ANKRD55: variants seen among roughly 807,000 people sequenced by gnomAD.
The protein encoded by ANKRD55 is ankyrin repeat domain-containing protein 55.
A neutral mutation model predicts 60.6 loss-of-function variants in ANKRD55; 41 were observed. The observed-to-expected ratio is 0.68, with a 90% confidence interval of 0.53 to 0.88. The LOEUF (loss-of-function observed/expected upper bound fraction) is 0.88, where lower values mean the gene tolerates loss of function less well. ANKRD55 is among the 40% of genes least tolerant of loss of function. ANKRD55 has a pLI of 0.00. For missense variants in ANKRD55, 732 were observed against 767.6 expected (o/e 0.95, Z 0.55); for synonymous variants, 264 against 290.3 (o/e 0.91, Z 0.92).
At chr5:56,210,687 G>C (rs59992294) in intron 2 of ANKRD55, among the ~76,000 whole-genome samples, 5,121 of 151,366 alleles carry the variant, frequency 0.034, 270 homozygotes, top group East Asian at 0.2. Flanking sequence ...TGGTTTTGTT[G>C]GTAAAAAAAT....
intron 2 of ANKRD55, among the ~76,000 whole-genome samples, chr5:56,199,070 A>T (rs1430161302): frequency 6.6e-6 from 1 of 151,268 alleles, no homozygotes; most frequent in Non-Finnish European, 1.5e-5. Flanking sequence ...ACAGAGTGAG[A>T]CTCTGTCTCA....
chr5:56,122,456 G>A (rs1757094811), intron 8 of ANKRD55, among the ~76,000 whole-genome samples: 1 of 151,772 alleles, frequency 6.6e-6, no homozygotes, highest in Non-Finnish European at 1.5e-5. Flanking sequence ...TTCAAGACCA[G>A]TCTGGCCAAC....
chr5:56,198,674 T>G (rs1759283132), intron 2 of ANKRD55, among the ~76,000 whole-genome samples: 2 of 152,226 alleles, frequency 1.3e-5, no homozygotes, highest in Non-Finnish European at 2.9e-5. Flanking sequence ...CCCATTTGCT[T>G]TGTTTTTCTT....
chr5:56,189,860 T>C (rs997333999), intron 2 of ANKRD55, among the ~76,000 whole-genome samples: 15 of 152,206 alleles, frequency 9.9e-5, no homozygotes, highest in Non-Finnish European at 5.9e-5. Context: ...TGCTAGATCA[T>C]GTGATAATTC....
intron 2 of ANKRD55, among the ~76,000 whole-genome samples, chr5:56,199,707 G>A (rs566927800): frequency 4.6e-5 from 7 of 151,302 alleles, no homozygotes; most frequent in Middle Eastern, 3.5e-3. Flanking sequence ...TGGCTAACAC[G>A]GTGAAACCCT....
At chr5:56,142,962 CAT>C (rs1757808672) in intron 7 of ANKRD55, among the ~76,000 whole-genome samples, 1 of 152,230 alleles carries the variant, frequency 6.6e-6, no homozygotes. Flanking sequence ...ATCAGGCACA[CAT>C]GTCAATCCTG....
intron 2 of ANKRD55, among the ~76,000 whole-genome samples, chr5:56,207,419 G>T (rs1054590569): frequency 2.6e-5 from 4 of 152,168 alleles, no homozygotes; most frequent in African/African-American, 9.7e-5. Context: ...ATCACACTAT[G>T]TATAGTCATA....
intron 3 of ANKRD55, among the ~76,000 whole-genome samples, 176 bp from the exon 4 acceptor site, chr5:56,176,458 T>C (rs1051575143): frequency 2.6e-5 from 4 of 152,236 alleles, no homozygotes; most frequent in Non-Finnish European, 5.9e-5. Flanking sequence ...TGTATTTTTT[T>C]TACTGGCTCT....
chr5:56,173,026 G>C (rs1758644289), intron 4 of ANKRD55, among the ~76,000 whole-genome samples: 1 of 152,128 alleles, frequency 6.6e-6, no homozygotes, highest in Non-Finnish European at 1.5e-5. Context: ...ACCCACCATG[G>C]TCACTCACCA....
chr5:56,194,315 CAAA>C (rs551227581), intron 2 of ANKRD55, among the ~76,000 whole-genome samples: 4 of 57,964 alleles, frequency 6.9e-5, no homozygotes, highest in East Asian at 5.1e-4. Context: ...GACTCCATCT[CAAA>C]AAAAAAAAAA....
At chr5:56,121,374 C>CTTTTTT (rs35793814) in intron 8 of ANKRD55, among the ~76,000 whole-genome samples, 1 of 130,672 alleles carries the variant, frequency 7.7e-6, no homozygotes, top group African/African-American at 2.9e-5. Flanking sequence ...TGTTCCACCA[C>CTTTTTT]TTTTTTTTTT....
intron 4 of ANKRD55, 65 bp downstream of exon 4, chr5:56,176,087 G>C: frequency 6.3e-7 from 1 of 1,594,508 alleles, no homozygotes; most frequent in Non-Finnish European, 8.6e-7. Context: ...TTGCAACTGG[G>C]ACCCCATAAT....
At chr5:56,224,157 C>G (rs160488) in intron 2 of ANKRD55, among the ~76,000 whole-genome samples, 43,508 of 152,078 alleles carry the variant, frequency 0.29, 6,938 homozygotes, top group East Asian at 0.66. Context: ...ACAGTGCAAT[C>G]AAACTAGAAC....
chr5:56,153,300 T>A (rs981392538), intron 6 of ANKRD55, among the ~76,000 whole-genome samples: 1 of 152,074 alleles, frequency 6.6e-6, no homozygotes, highest in African/African-American at 2.4e-5. Flanking sequence ...GACACGCAGC[T>A]ATTTTGGGGG....
chr5:56,181,315 G>A (rs917241078), intron 3 of ANKRD55, among the ~76,000 whole-genome samples: 6 of 152,140 alleles, frequency 3.9e-5, no homozygotes, highest in East Asian at 1.9e-4. Context: ...AACTTTCACC[G>A]TTAAGTAAAA....
At chr5:56,210,000 G>C (rs918744489) in intron 2 of ANKRD55, among the ~76,000 whole-genome samples, 1 of 151,990 alleles carries the variant, frequency 6.6e-6, no homozygotes, top group Non-Finnish European at 1.5e-5. Flanking sequence ...ATTTTCAATG[G>C]TCATTTTTTT....
intron 2 of ANKRD55, among the ~76,000 whole-genome samples, chr5:56,222,625 C>T (rs185601175): frequency 6.1e-4 from 79 of 129,148 alleles, no homozygotes; most frequent in African/African-American, 2.2e-3. Flanking sequence ...GGACGAATGG[C>T]TAACTGAATA....
At chr5:56,127,926 A>T (rs1312084894) in intron 7 of ANKRD55, among the ~76,000 whole-genome samples, 1 of 152,050 alleles carries the variant, frequency 6.6e-6, no homozygotes, top group Non-Finnish European at 1.5e-5. Context: ...ACTTTGACCC[A>T]TTGTTTATAT....
chr5:56,230,410 A>G (rs1269734387), intron 2 of ANKRD55, among the ~76,000 whole-genome samples: 1 of 152,194 alleles, frequency 6.6e-6, no homozygotes, highest in Non-Finnish European at 1.5e-5. Context: ...TCTTAAGTAC[A>G]GCCAATGTGA....
Sources: gnomAD v4.1 joint callset for allele counts (sites outside exome capture counted in the v4.1 genomes callset) on GRCh38, gnomAD v4.1.1 for gene constraint, MANE v1.5 for transcripts, NCBI Gene and HGNC (gene_info 2026-07-23, HGNC 2026-07-21) for gene names.